The following CFAP61 variants were observed in gnomAD, a reference collection of about 807,000 sequenced individuals.
CFAP61 encodes cilia- and flagella-associated protein 61.
Under a neutral mutation model 135.6 loss-of-function variants are expected in CFAP61, and 107 were observed. The observed-to-expected ratio is 0.79, with a 90% confidence interval of 0.67 to 0.93. The LOEUF (loss-of-function observed/expected upper bound fraction) is 0.93, where lower values mean the gene tolerates loss of function less well. Among genes scored for constraint, CFAP61 ranks in the 40% least tolerant of loss-of-function variants. The pLI, the probability that CFAP61 is intolerant of heterozygous loss-of-function variation, is 0.00. For synonymous variants in CFAP61, 575 were observed against 578.5 expected (o/e 0.99, Z 0.09); for missense variants, 1,507 against 1,556.2 (o/e 0.97, Z 0.53).
intron 26 of CFAP61, among the ~76,000 whole-genome samples, chr20:20,351,936 T>C (rs1209340821): frequency 4.6e-5 from 7 of 151,148 alleles, no homozygotes; most frequent in African/African-American, 1.7e-4. Context: ...AAATAGCCAA[T>C]ACAATCTTGA....
intron 26 of CFAP61, among the ~76,000 whole-genome samples, chr20:20,344,303 C>T (rs1267245785): frequency 6.6e-6 from 1 of 152,082 alleles, no homozygotes; most frequent in Non-Finnish European, 1.5e-5. Flanking sequence ...CTGACCACCA[C>T]GAGCAGCAGT....
chr20:20,340,208 T>C (rs983643675), intron 25 of CFAP61, among the ~76,000 whole-genome samples: 2 of 152,254 alleles, frequency 1.3e-5, no homozygotes, highest in Middle Eastern at 3.2e-3. Context: ...TGTGTATTGT[T>C]GTGTGGTTGG....
At chr20:20,171,983 A>C (rs767813466) in intron 13 of CFAP61, 21 of 452,272 alleles carry the variant, frequency 4.6e-5, no homozygotes, top group Non-Finnish European at 7.5e-5. Context: ...CTTAGGGGAC[A>C]TGAATCACCT....
chr20:20,144,461 G>T (rs1021964528), intron 9 of CFAP61, among the ~76,000 whole-genome samples: 1 of 152,112 alleles, frequency 6.6e-6, no homozygotes, highest in African/African-American at 2.4e-5. Flanking sequence ...TCCAGGTTAG[G>T]CATTGCAGAT....
At chr20:20,058,056 T>G (rs1331171968) in intron 2 of CFAP61, among the ~76,000 whole-genome samples, 1 of 152,170 alleles carries the variant, frequency 6.6e-6, no homozygotes, top group African/African-American at 2.4e-5. Context: ...ATTGAAAATA[T>G]TAAATATCCT....
At chr20:20,080,019 G>A (rs1032903072) in intron 6 of CFAP61, among the ~76,000 whole-genome samples, 2 of 151,920 alleles carry the variant, frequency 1.3e-5, no homozygotes, top group African/African-American at 4.8e-5. Flanking sequence ...AATTACTTAG[G>A]ATCTTGTAAG....
chr20:20,212,838 G>A (rs2047752514), intron 17 of CFAP61, among the ~76,000 whole-genome samples: 1 of 152,166 alleles, frequency 6.6e-6, no homozygotes, highest in Non-Finnish European at 1.5e-5. Context: ...GTTGTGTACT[G>A]ATCATGTGGT....
At chr20:20,109,015 C>T (rs902273466) in intron 8 of CFAP61, among the ~76,000 whole-genome samples, 3 of 152,306 alleles carry the variant, frequency 2.0e-5, no homozygotes, top group African/African-American at 4.8e-5. Flanking sequence ...CAATGTGGAA[C>T]AGTTGCTCAG....
At chr20:20,162,612 A>G (rs2053496167) in intron 10 of CFAP61, among the ~76,000 whole-genome samples, 2 of 152,168 alleles carry the variant, frequency 1.3e-5, no homozygotes, top group East Asian at 1.9e-4. Context: ...AAGACAAAGA[A>G]AAGACCTGGA....
chr20:20,337,811 A>G (rs952969663), intron 25 of CFAP61, among the ~76,000 whole-genome samples: 4 of 152,108 alleles, frequency 2.6e-5, no homozygotes, highest in African/African-American at 9.7e-5. Flanking sequence ...ACCTCTTGCC[A>G]GGGTTGGCAC....
At chr20:20,104,199 A>G (rs948388275) in intron 8 of CFAP61, among the ~76,000 whole-genome samples, 3 of 152,196 alleles carry the variant, frequency 2.0e-5, no homozygotes, top group African/African-American at 7.2e-5. Flanking sequence ...GACCCTTCAA[A>G]ATAGAATTTT....
chr20:20,164,935 A>T (rs775122634), intron 11 of CFAP61, among the ~76,000 whole-genome samples: 23 of 152,358 alleles, frequency 1.5e-4, no homozygotes, highest in Middle Eastern at 3.4e-3. Context: ...GTTTCCCCTT[A>T]TAAAACCATG....
At chr20:20,288,552 T>G (rs922069874) in intron 22 of CFAP61, 57 bp from the exon 23 acceptor site, 41 of 1,375,784 alleles carry the variant, frequency 3.0e-5, no homozygotes, top group Non-Finnish European at 3.7e-5. Flanking sequence ...GTCACACTTT[T>G]GGGAAGGTAA....
intron 10 of CFAP61, among the ~76,000 whole-genome samples, chr20:20,161,740 A>G (rs948932203): frequency 1.3e-5 from 2 of 152,212 alleles, no homozygotes; most frequent in African/African-American, 4.8e-5. Flanking sequence ...CTCTAGAGAA[A>G]TTGAACAGAG....
At chr20:20,278,164 A>C (rs1041724318) in intron 22 of CFAP61, among the ~76,000 whole-genome samples, 2 of 152,222 alleles carry the variant, frequency 1.3e-5, no homozygotes, top group African/African-American at 4.8e-5. Flanking sequence ...TCATCAGGAC[A>C]GCTCTGTAAA....
At chr20:20,199,238 TTTG>T (rs3060485) in intron 16 of CFAP61, among the ~76,000 whole-genome samples, 22 of 151,938 alleles carry the variant, frequency 1.4e-4, no homozygotes, top group South Asian at 2.1e-4. Flanking sequence ...TAAAACAGTT[TTTG>T]TTGTTGTTGT....
intron 25 of CFAP61, among the ~76,000 whole-genome samples, chr20:20,319,201 A>G (rs1435837257): frequency 6.6e-6 from 1 of 152,214 alleles, no homozygotes; most frequent in Non-Finnish European, 1.5e-5. Context: ...GAATAATGAG[A>G]AGCTCCTAAA....
rs142308308 is a variant in CFAP61, at chr20:20,196,681, C to T, written c.1702C>T (p.Arg568Trp). Residue 568 changes from arginine (R) to tryptophan (W), a missense_variant, in exon 16 of 27, where the codon CGG becomes TGG. Coordinates refer to ENST00000245957, the MANE Select transcript of CFAP61 (RefSeq NM_015585.4). The part of the protein sequence containing the change: ...MHHFALNPIF[R>W]HYTKFFLKEI... ...TCACTTTGCCCTCAACCCCATTTTCCGGCACTACACCAAGTTCTTTCTGAA... is the reference window on the plus strand; with the variant it reads ...TCACTTTGCCCTCAACCCCATTTTCTGGCACTACACCAAGTTCTTTCTGAA... 192 of 1,613,976 alleles carry T rather than the reference C, an allele frequency of 1.2e-4. 1 individual carries two copies. The highest frequency in any genetic ancestry group is 1.2e-3 in the Middle Eastern group (7 of 6,084).
At position 20,129,631 on chromosome 20, in the gene CFAP61, T is replaced by A. The variant is rs544449308; in HGVS notation, c.860-13226T>A. ...AATTTTGGAAAGTTTTTTTTTTTTTTAATAAACTTTCTACCCCTATTCTTG... is the reference window on the plus strand; with the variant it reads ...AATTTTGGAAAGTTTTTTTTTTTTTAAATAAACTTTCTACCCCTATTCTTG... On this transcript the variant is annotated intron_variant, in intron 8 of 26. Coordinates refer to ENST00000245957, the MANE Select transcript of CFAP61 (RefSeq NM_015585.4). 3.8e-3 allele frequency among the ~76,000 whole-genome samples: 573 copies of A among 151,592 alleles called. 11 individuals carry two copies. The highest frequency in any genetic ancestry group is 0.013 in the African/African-American group (551 of 41,052).
Sources: allele counts gnomAD v4.1 joint callset (sites outside exome capture counted in the v4.1 genomes callset), GRCh38; gene constraint gnomAD v4.1.1; transcripts MANE v1.5; gene names NCBI Gene and HGNC (gene_info 2026-07-23, HGNC 2026-07-21).